The following SUPT3H variants were observed in gnomAD, a reference collection of about 807,000 sequenced individuals.
The protein encoded by SUPT3H is SPT3 homolog, SAGA and STAGA complex component.
A neutral mutation model predicts 44.3 loss-of-function variants in SUPT3H; 44 were observed. The ratio of observed to expected loss-of-function variants is 0.99; its 90% CI spans 0.78 to 1.28. The LOEUF (loss-of-function observed/expected upper bound fraction) is 1.28. Ranked by LOEUF, SUPT3H falls within the 50% of genes most tolerant of loss-of-function variation. The pLI is 0.00. For missense variants in SUPT3H, 380 were observed against 387.1 expected (o/e 0.98, Z 0.15); for synonymous variants, 124 against 125.6 (o/e 0.99, Z 0.09).
At chr6:45,365,366 A>G (rs1023626580) in intron 1 of SUPT3H, 65 bp from the exon 2 acceptor site, 8 of 1,091,900 alleles carry the variant, frequency 7.3e-6, no homozygotes, top group South Asian at 1.4e-5. Context: ...CAAAAAAAAA[A>G]GAAAGCAAAT....
At chr6:44,928,070 G>A (rs1406485856) in intron 10 of SUPT3H, among the ~76,000 whole-genome samples, 2 of 152,154 alleles carry the variant, frequency 1.3e-5, no homozygotes, top group African/African-American at 2.4e-5. Context: ...CTTTAGGGAT[G>A]AGGAAACAGC....
chr6:45,223,534 T>C (rs1390232011), intron 2 of SUPT3H, among the ~76,000 whole-genome samples: 1 of 151,936 alleles, frequency 6.6e-6, no homozygotes, highest in Non-Finnish European at 1.5e-5. Flanking sequence ...TATAGAACTT[T>C]TTTCTAACTA....
intron 2 of SUPT3H, among the ~76,000 whole-genome samples, chr6:45,150,021 T>C (rs1016386223): frequency 5.9e-5 from 9 of 151,964 alleles, no homozygotes; most frequent in South Asian, 2.1e-4. Context: ...ATATTTGAAA[T>C]TGGGGCCCCA....
At chr6:45,236,564 A>T (rs1769193481) in intron 2 of SUPT3H, among the ~76,000 whole-genome samples, 1 of 152,044 alleles carries the variant, frequency 6.6e-6, no homozygotes, top group Non-Finnish European at 1.5e-5. Flanking sequence ...TTGAAGAAAA[A>T]GAGTGGCCTA....
intron 2 of SUPT3H, among the ~76,000 whole-genome samples, chr6:45,236,819 C>T (rs188134986): frequency 1.1e-4 from 16 of 151,998 alleles, no homozygotes; most frequent in African/African-American, 1.9e-4. Context: ...TTTAAGCAAG[C>T]GATTAATCAA....
intron 10 of SUPT3H, among the ~76,000 whole-genome samples, chr6:44,894,393 T>C (rs1166575982): frequency 6.6e-6 from 1 of 152,216 alleles, no homozygotes; most frequent in Non-Finnish European, 1.5e-5. Flanking sequence ...TTGAATTGAT[T>C]TTTGTATAAG....
chr6:45,042,381 G>T (rs1371840191), intron 3 of SUPT3H, among the ~76,000 whole-genome samples: 1 of 152,146 alleles, frequency 6.6e-6, no homozygotes, highest in Non-Finnish European at 1.5e-5. Context: ...CGACATCATG[G>T]CATTGCACTC....
At chr6:45,241,214 C>CG (rs200525602) in intron 2 of SUPT3H, among the ~76,000 whole-genome samples, 7 of 142,402 alleles carry the variant, frequency 4.9e-5, no homozygotes, top group African/African-American at 1.7e-4. Context: ...AGGCCCCCCC[C>CG]CAAATCTTGC....
At chr6:44,958,252 C>T (rs1456570962) in intron 7 of SUPT3H, among the ~76,000 whole-genome samples, 3 of 152,144 alleles carry the variant, frequency 2.0e-5, no homozygotes, top group South Asian at 2.1e-4. Context: ...AGGTTAATCT[C>T]ACATACTTTT....
Position 45,245,603 on chromosome 6 carries a change from G to T in SUPT3H, c.101+119598C>A, listed in dbSNP as rs140963958. Among the ~76,000 whole-genome samples, 104 of 152,192 alleles carry T rather than the reference G, an allele frequency of 6.8e-4. 1 individual carries two copies. The East Asian group carries it at 0.02, about 29-fold the overall frequency. On this transcript the variant is annotated intron_variant, in intron 2 of 10. Transcript: ENST00000371459. Reference sequence around the variant, plus strand: ...TTTTCTAAAATTATCCATGACGCAAGAAGTTCAAAATTTAATTCCTTTGTA... The same window carrying T: ...TTTTCTAAAATTATCCATGACGCAATAAGTTCAAAATTTAATTCCTTTGTA...
chr6:45,205,954 C>A (rs1041442809), intron 2 of SUPT3H, among the ~76,000 whole-genome samples: 2 of 152,170 alleles, frequency 1.3e-5, no homozygotes, highest in Admixed American at 1.3e-4. Context: ...CCTTAAAATT[C>A]AACAATTATG....
At chr6:44,912,336 G>T (rs1767180160) in intron 10 of SUPT3H, among the ~76,000 whole-genome samples, 1 of 151,966 alleles carries the variant, frequency 6.6e-6, no homozygotes, top group Admixed American at 6.6e-5. Flanking sequence ...TACAGTATTT[G>T]TCCTTTTGTG....
At chr6:44,943,596 T>C (rs1284974408) in intron 9 of SUPT3H, among the ~76,000 whole-genome samples, 1 of 152,116 alleles carries the variant, frequency 6.6e-6, no homozygotes, top group Non-Finnish European at 1.5e-5. Context: ...ATGGATATCA[T>C]GGCCAAACAG....
At chr6:44,876,665 A>T (rs1777333228) in intron 10 of SUPT3H, among the ~76,000 whole-genome samples, 2 of 151,808 alleles carry the variant, frequency 1.3e-5, no homozygotes, top group Admixed American at 1.3e-4. Flanking sequence ...TAAAAAAAAA[A>T]TTAAAAAAAA....
At chr6:45,294,671 T>C (rs1780837204) in intron 2 of SUPT3H, among the ~76,000 whole-genome samples, 1 of 145,312 alleles carries the variant, frequency 6.9e-6, no homozygotes, top group Non-Finnish European at 1.5e-5. Flanking sequence ...GCACCTCTTC[T>C]GTACACCAAC....
At chr6:45,185,207 A>G (rs1411370534) in intron 2 of SUPT3H, among the ~76,000 whole-genome samples, 2 of 152,174 alleles carry the variant, frequency 1.3e-5, no homozygotes, top group East Asian at 3.9e-4. Context: ...AGGAGACTTT[A>G]TTAAGAAGGA....
chr6:45,090,612 T>C (rs929463187), intron 3 of SUPT3H, among the ~76,000 whole-genome samples: 1 of 151,950 alleles, frequency 6.6e-6, no homozygotes, highest in Non-Finnish European at 1.5e-5. Flanking sequence ...AAAAAAAGAA[T>C]TAAAAAATAT....
At chr6:45,287,333 C>T (rs1457264694) in intron 2 of SUPT3H, among the ~76,000 whole-genome samples, 1 of 152,008 alleles carries the variant, frequency 6.6e-6, no homozygotes, top group Non-Finnish European at 1.5e-5. Flanking sequence ...CACCATTATT[C>T]ACAATAGCCA....
rs530932343 is a variant in SUPT3H at position 45,088,804 on chromosome 6, G to A, written c.186+17118C>T. ...TTTCTCACTCAGATCAATACTGACA[G>A]CTGTCATGGTAGATTTGATTGTTAT... is the stretch of plus-strand genomic sequence containing the variant. On this transcript the variant is annotated intron_variant, in intron 3 of 10. Transcript: ENST00000371459. Among the ~76,000 whole-genome samples, 3 of 152,040 alleles carry A rather than the reference G, an allele frequency of 2.0e-5. No individual in the cohort carries two copies. The South Asian group carries it at 6.2e-4, about 32-fold the overall frequency.
Sources: gnomAD v4.1 joint callset for allele counts (sites outside exome capture counted in the v4.1 genomes callset) on GRCh38, gnomAD v4.1.1 for gene constraint, MANE v1.5 for transcripts, NCBI Gene and HGNC (gene_info 2026-07-23, HGNC 2026-07-21) for gene names.